Variants in MAGI1 observed in about 807,000 individuals in gnomAD.
The protein encoded by MAGI1 is membrane associated guanylate kinase, WW and PDZ domain containing 1, also known as membrane-associated guanylate kinase, WW and PDZ domain-containing protein 1.
In MAGI1, 58 loss-of-function variants were observed where a neutral mutation model predicts 139.9. The observed-to-expected ratio is 0.41, with a 90% CI of 0.34 to 0.52. MAGI1 has a LOEUF of 0.52. MAGI1 is among the 20% of genes least tolerant of loss of function. The pLI, the probability that MAGI1 is intolerant of heterozygous loss-of-function variation, is 0.12. For synonymous variants in MAGI1, 812 were observed against 737.9 expected (o/e 1.10, Z -1.63); for missense variants, 1,874 against 1,901.6 (o/e 0.99, Z 0.27).
chr3:65,921,636 C>A (rs2062193020), intron 1 of MAGI1, among the ~76,000 whole-genome samples: 1 of 152,044 alleles, frequency 6.6e-6, no homozygotes, highest in Non-Finnish European at 1.5e-5. Context: ...AAGATCTTTA[C>A]CACCATATTG....
At chr3:65,463,558 A>ATGTGTGTGTGTGTGTGTGTG (rs56135171) in intron 5 of MAGI1, among the ~76,000 whole-genome samples, 45 of 140,834 alleles carry the variant, frequency 3.2e-4, no homozygotes, top group African/African-American at 1.0e-3. Context: ...TTGGCCTGAA[A>ATGTGTGTGTGTGTGTGTGTG]TGTGTGTGTG....
chr3:65,880,908 C>CGTGTGT (rs11271375), intron 1 of MAGI1, among the ~76,000 whole-genome samples: 4,514 of 145,652 alleles, frequency 0.031, 236 homozygotes, highest in African/African-American at 0.11. Context: ...ATATCTCTGG[C>CGTGTGT]GTGTGTGTGT....
At chr3:65,547,938 T>C (rs2079583111) in intron 2 of MAGI1, among the ~76,000 whole-genome samples, 1 of 152,148 alleles carries the variant, frequency 6.6e-6, no homozygotes, top group Admixed American at 6.5e-5. Flanking sequence ...CATTGGGAGC[T>C]TAGAACAATG....
At chr3:65,607,012 T>C (rs1032655915) in intron 2 of MAGI1, among the ~76,000 whole-genome samples, 5 of 152,152 alleles carry the variant, frequency 3.3e-5, no homozygotes, top group Admixed American at 6.5e-5. Context: ...TCAACACTGA[T>C]ATGGGTTTTT....
Position 65,430,689 on chromosome 3 carries a change from T to C in MAGI1, c.1546+10A>G. On this transcript the variant is annotated intron_variant, in intron 11 of 22. Coordinates refer to ENST00000402939, the MANE Select transcript of MAGI1 (RefSeq NM_001033057.2). ...CCACACAGAACACACTAAGGCCATG[T>C]TGACGCTACCTGTTTCCATCTTGCC... 2 of 1,612,600 alleles carry C rather than the reference T, an allele frequency of 1.2e-6. No homozygotes were observed. Among genetic ancestry groups the C allele is most frequent in the East Asian group, 2.2e-5 (1 of 44,846 alleles).
At chr3:66,003,260 C>A (rs759704224) in intron 1 of MAGI1, among the ~76,000 whole-genome samples, 1 of 152,078 alleles carries the variant, frequency 6.6e-6, no homozygotes, top group East Asian at 1.9e-4. Context: ...ACCAGCCATT[C>A]GCCACCACCT....
chr3:65,441,621 T>C (rs1948335858), intron 8 of MAGI1, among the ~76,000 whole-genome samples: 1 of 152,122 alleles, frequency 6.6e-6, no homozygotes, highest in East Asian at 1.9e-4. Flanking sequence ...TGAGGGACAA[T>C]TCAAAATGAG....
chr3:65,944,415 G>T (rs1190486619), intron 1 of MAGI1, among the ~76,000 whole-genome samples: 4 of 152,096 alleles, frequency 2.6e-5, no homozygotes, highest in Non-Finnish European at 5.9e-5. Flanking sequence ...CTGCTCGAGA[G>T]GCTGAGGTTG....
At chr3:65,401,754 G>C in intron 12 of MAGI1, 1 of 1,423,322 alleles carries the variant, frequency 7.0e-7, no homozygotes, top group Non-Finnish European at 9.2e-7. Flanking sequence ...CAGCGGCCTG[G>C]GAAATTGAAC....
At chr3:65,739,402 T>G (rs1467616864) in intron 1 of MAGI1, among the ~76,000 whole-genome samples, 1 of 152,190 alleles carries the variant, frequency 6.6e-6, no homozygotes, top group Non-Finnish European at 1.5e-5. Flanking sequence ...TTTCTCCACA[T>G]TAGCAATAAG....
intron 18 of MAGI1, among the ~76,000 whole-genome samples, chr3:65,371,645 A>C (rs1413018193): frequency 6.6e-6 from 1 of 152,200 alleles, no homozygotes; most frequent in Non-Finnish European, 1.5e-5. Flanking sequence ...TTTTACCCTA[A>C]GTAGAACTTT....
intron 1 of MAGI1, chr3:65,687,673 C>G: frequency 4.0e-6 from 2 of 503,352 alleles, no homozygotes; most frequent in Non-Finnish European, 8.1e-6. Context: ...GCTGGTAATA[C>G]ACAAGATTCT....
chr3:65,648,332 CACAG>C (rs980912040), intron 1 of MAGI1, among the ~76,000 whole-genome samples: 1 of 151,488 alleles, frequency 6.6e-6, no homozygotes, highest in Non-Finnish European at 1.5e-5. Flanking sequence ...TGCGCGTGCA[CACAG>C]ACAGGGTCTC....
At chr3:65,629,823 T>G (rs2084187771) in intron 1 of MAGI1, among the ~76,000 whole-genome samples, 1 of 151,986 alleles carries the variant, frequency 6.6e-6, no homozygotes, top group South Asian at 2.1e-4. Context: ...GGAGTTTCAC[T>G]TGTGGATGCT....
intron 2 of MAGI1, among the ~76,000 whole-genome samples, chr3:65,609,096 G>A (rs12715596): frequency 0.19 from 28,791 of 152,104 alleles, 3,068 homozygotes; most frequent in Middle Eastern, 0.26. Context: ...GAAGGGAAGC[G>A]TTCAATAAGA....
rs767493095 is a variant in MAGI1 at position 65,455,273 on chromosome 3, A to C, written c.960-1933T>G. Among the ~76,000 whole-genome samples the C allele has an allele frequency of 8.1e-4, 123 of 152,166 alleles. 1 individual carries two copies. Among genetic ancestry groups the C allele is most frequent in the Non-Finnish European group, 1.5e-3 (103 of 68,038 alleles). On this transcript the variant is annotated intron_variant, in intron 5 of 22. Coordinates refer to ENST00000402939, the MANE Select transcript of MAGI1 (RefSeq NM_001033057.2). The stretch of plus-strand genomic sequence containing the variant: ...CTGATACTGACACAGTCAACATACA[A>C]AACATTTTCATCATCACAGGGGTCC...
chr3:65,905,002 C>G (rs2061379754), intron 1 of MAGI1, among the ~76,000 whole-genome samples: 1 of 152,160 alleles, frequency 6.6e-6, no homozygotes, highest in South Asian at 2.1e-4. Context: ...AAATTAGGTA[C>G]TCCGTATAGG....
chr3:65,528,251 G>A (rs1382888263), intron 2 of MAGI1, among the ~76,000 whole-genome samples: 2 of 152,142 alleles, frequency 1.3e-5, no homozygotes, highest in African/African-American at 4.8e-5. Context: ...GTCACAAATT[G>A]ATATAACATT....
At chr3:65,761,318 A>G (rs1055262547) in intron 1 of MAGI1, among the ~76,000 whole-genome samples, 3 of 152,228 alleles carry the variant, frequency 2.0e-5, no homozygotes, top group Non-Finnish European at 2.9e-5. Flanking sequence ...CGAGATTAAA[A>G]TGGAAGATTC....
Sources: gnomAD v4.1 joint callset for allele counts (sites outside exome capture counted in the v4.1 genomes callset) on GRCh38, gnomAD v4.1.1 for gene constraint, MANE v1.5 for transcripts, NCBI Gene and HGNC (gene_info 2026-07-23, HGNC 2026-07-21) for gene names.